Variants in TWIST2 observed in about 807,000 individuals in gnomAD.
TWIST2 encodes the protein twist family bHLH transcription factor 2.
Under a neutral mutation model 11.6 loss-of-function variants are expected in TWIST2, and 1 was observed. The ratio of observed to expected loss-of-function variants is 0.09; its 90% CI spans 0.03 to 0.41. TWIST2 has a LOEUF of 0.41. Ranked by LOEUF, TWIST2 falls within the 10% of genes least tolerant of loss-of-function variation. The pLI, the probability that TWIST2 is intolerant of heterozygous loss-of-function variation, is 0.98. For synonymous variants in TWIST2, 87 were observed against 96.6 expected (o/e 0.90, Z 0.58); for missense variants, 168 against 226.4 (o/e 0.74, Z 1.66).
At chr2:238,871,174 C>CA (rs1559274802) in intron 1 of TWIST2, among the ~76,000 whole-genome samples, 7 of 5,226 alleles carry the variant, frequency 1.3e-3, no homozygotes, top group African/African-American at 2.4e-3. Context: ...CACACACACA[C>CA]CACACACCCC....
chr2:238,889,570 C>T (rs1028274199), intron 1 of TWIST2, among the ~76,000 whole-genome samples: 4 of 152,170 alleles, frequency 2.6e-5, no homozygotes, highest in East Asian at 1.9e-4. Context: ...GCTCACTTTG[C>T]GCATGATAGA....
At chr2:238,879,216 C>A (rs1692861387) in intron 1 of TWIST2, among the ~76,000 whole-genome samples, 1 of 152,084 alleles carries the variant, frequency 6.6e-6, no homozygotes, top group Admixed American at 6.5e-5. Flanking sequence ...CTTAGAGAGG[C>A]TTGGAGTCAG....
chr2:238,887,087 C>T (rs1693052058), intron 1 of TWIST2: 1 of 152,010 alleles, frequency 6.6e-6, no homozygotes, highest in Non-Finnish European at 1.5e-5. Context: ...ATTTGAGCTC[C>T]TAAGGGTACT....
At chr2:238,889,280 G>A (rs887173466) in intron 1 of TWIST2, among the ~76,000 whole-genome samples, 8 of 152,172 alleles carry the variant, frequency 5.3e-5, no homozygotes, top group African/African-American at 1.9e-4. Flanking sequence ...ATCATGACTC[G>A]GGCAAACTTG....
chr2:238,877,432 A>G (rs1341600230), intron 1 of TWIST2, among the ~76,000 whole-genome samples: 1 of 152,202 alleles, frequency 6.6e-6, no homozygotes, highest in African/African-American at 2.4e-5. Flanking sequence ...TATCAAAAAA[A>G]GAAATCATTT....
chr2:238,876,896 G>A (rs796378847), intron 1 of TWIST2, among the ~76,000 whole-genome samples: 3 of 152,294 alleles, frequency 2.0e-5, no homozygotes, highest in African/African-American at 7.2e-5. Flanking sequence ...ACATATTTCT[G>A]TTATTAAAAC....
chr2:238,890,597 T>C (rs1001619172), intron 1 of TWIST2, among the ~76,000 whole-genome samples: 1 of 152,162 alleles, frequency 6.6e-6, no homozygotes, highest in Admixed American at 6.5e-5. Flanking sequence ...TTTAGGAAAA[T>C]ATAGAATATT....
chr2:238,907,752 C>T (rs1415666709), intron 1 of TWIST2, among the ~76,000 whole-genome samples: 1 of 127,452 alleles, frequency 7.8e-6, no homozygotes, highest in Non-Finnish European at 1.7e-5. Context: ...ACACAACACA[C>T]ACACAAAAAC....
At chr2:238,868,109 C>T (rs1046049944) in intron 1 of TWIST2, among the ~76,000 whole-genome samples, 2 of 152,202 alleles carry the variant, frequency 1.3e-5, no homozygotes, top group South Asian at 4.1e-4. Context: ...GTGCAGTGCC[C>T]CACAAAGGTG....
intron 1 of TWIST2, among the ~76,000 whole-genome samples, chr2:238,876,331 A>G (rs149689677): frequency 0.019 from 2,860 of 152,252 alleles, 84 homozygotes; most frequent in African/African-American, 0.066. Context: ...AATGACTACA[A>G]AGTGTCTCCT....
At chr2:238,871,994 A>C (rs1260235161) in intron 1 of TWIST2, among the ~76,000 whole-genome samples, 1 of 152,218 alleles carries the variant, frequency 6.6e-6, no homozygotes, top group Non-Finnish European at 1.5e-5. Context: ...AGCAGCGTGA[A>C]TGTCCTTAAT....
intron 1 of TWIST2, among the ~76,000 whole-genome samples, chr2:238,891,185 G>C (rs1476400550): frequency 1.3e-5 from 2 of 152,186 alleles, no homozygotes; most frequent in Admixed American, 1.3e-4. Flanking sequence ...AGGAGATCTC[G>C]AACACGTTTT....
At chr2:238,889,378 T>C (rs1693093717) in intron 1 of TWIST2, among the ~76,000 whole-genome samples, 1 of 152,190 alleles carries the variant, frequency 6.6e-6, no homozygotes, top group Admixed American at 6.5e-5. Flanking sequence ...TATACACACA[T>C]ATATATACAC....
intron 1 of TWIST2, among the ~76,000 whole-genome samples, chr2:238,858,665 C>G (rs1191983343): frequency 6.6e-6 from 1 of 152,188 alleles, no homozygotes; most frequent in Non-Finnish European, 1.5e-5. Flanking sequence ...GTTTCCCCGT[C>G]TGTAAAATAA....
At chr2:238,868,239 G>A (rs1405532155) in intron 1 of TWIST2, among the ~76,000 whole-genome samples, 1 of 152,168 alleles carries the variant, frequency 6.6e-6, no homozygotes, top group Non-Finnish European at 1.5e-5. Context: ...ACATCGTCTA[G>A]TACAGCCCCT....
At chr2:238,887,823 T>G (rs906650332) in intron 1 of TWIST2, among the ~76,000 whole-genome samples, 1 of 152,228 alleles carries the variant, frequency 6.6e-6, no homozygotes, top group African/African-American at 2.4e-5. Context: ...CCTGCCAACC[T>G]GAATGAGCAA....
intron 1 of TWIST2, among the ~76,000 whole-genome samples, chr2:238,851,121 C>T (rs1692233998): frequency 2.0e-5 from 3 of 152,190 alleles, no homozygotes; most frequent in Admixed American, 2.0e-4. Context: ...CATTTCAGTA[C>T]ATTGTAAGTG....
intron 1 of TWIST2, among the ~76,000 whole-genome samples, chr2:238,884,826 G>C (rs1693002565): frequency 6.6e-6 from 1 of 152,218 alleles, no homozygotes; most frequent in Non-Finnish European, 1.5e-5. Flanking sequence ...GCTCCCTGGG[G>C]CCGGCTCACT....
At chr2:238,852,683 A>ACGTG (rs1232663481) in intron 1 of TWIST2, among the ~76,000 whole-genome samples, 1 of 152,230 alleles carries the variant, frequency 6.6e-6, no homozygotes, top group African/African-American at 2.4e-5. Context: ...ATGCACGTGC[A>ACGTG]CACACATGTA....
Sources: allele counts gnomAD v4.1 joint callset (sites outside exome capture counted in the v4.1 genomes callset), GRCh38; gene constraint gnomAD v4.1.1; transcripts MANE v1.5; gene names NCBI Gene and HGNC (gene_info 2026-07-23, HGNC 2026-07-21).